Variants in ADAMTS19 observed in about 807,000 individuals in gnomAD.
The protein encoded by ADAMTS19 is A disintegrin and metalloproteinase with thrombospondin motifs 19.
In ADAMTS19, 93 loss-of-function variants were observed where a neutral mutation model predicts 153.3. The ratio of observed to expected loss-of-function variants is 0.61; its 90% CI spans 0.51 to 0.72. The LOEUF (loss-of-function observed/expected upper bound fraction) is 0.72, where lower values mean the gene tolerates loss of function less well. Among genes scored for constraint, ADAMTS19 ranks in the 30% least tolerant of loss-of-function variants. The pLI, the probability that ADAMTS19 is intolerant of heterozygous loss-of-function variation, is 0.00. For missense variants in ADAMTS19, 1,482 were observed against 1,552.1 expected (o/e 0.95, Z 0.76); for synonymous variants, 600 against 556.6 (o/e 1.08, Z -1.10).
intron 8 of ADAMTS19, among the ~76,000 whole-genome samples, chr5:129,607,036 G>T (rs571882659): frequency 3.3e-5 from 5 of 152,192 alleles, no homozygotes; most frequent in African/African-American, 1.2e-4. Context: ...TTCTGCCTCA[G>T]CCTCCTGAGT....
intron 7 of ADAMTS19, among the ~76,000 whole-genome samples, chr5:129,554,210 T>C (rs1753234958): frequency 2.6e-5 from 4 of 152,172 alleles, no homozygotes; most frequent in Non-Finnish European, 5.9e-5. Context: ...AAGGGATAAC[T>C]GTATATTTAT....
intron 15 of ADAMTS19, among the ~76,000 whole-genome samples, chr5:129,663,947 T>A (rs1257177629): frequency 6.6e-6 from 1 of 152,196 alleles, no homozygotes; most frequent in East Asian, 1.9e-4. Context: ...TCATCCTTTT[T>A]CTGTATGCAT....
intron 7 of ADAMTS19, among the ~76,000 whole-genome samples, chr5:129,580,862 G>A (rs780615313): frequency 7.2e-5 from 11 of 152,108 alleles, no homozygotes; most frequent in African/African-American, 2.4e-4. Context: ...TTTTTGCATC[G>A]ATGTTCGTCA....
At chr5:129,500,808 C>A (rs919795688) in intron 2 of ADAMTS19, among the ~76,000 whole-genome samples, 2 of 151,836 alleles carry the variant, frequency 1.3e-5, no homozygotes, top group South Asian at 2.1e-4. Flanking sequence ...TACTAATAAG[C>A]ATTTATTGAA....
At chr5:129,537,570 T>G (rs1176896573) in intron 6 of ADAMTS19, among the ~76,000 whole-genome samples, 1 of 152,066 alleles carries the variant, frequency 6.6e-6, no homozygotes, top group East Asian at 1.9e-4. Context: ...ATGTGGCACA[T>G]CTACACCATG....
intron 16 of ADAMTS19, among the ~76,000 whole-genome samples, chr5:129,676,699 T>C (rs1754567071): frequency 6.6e-6 from 1 of 152,196 alleles, no homozygotes; most frequent in Admixed American, 6.6e-5. Context: ...TCAATCATGG[T>C]GAAGAGTATG....
rs377008786 is a variant in ADAMTS19, at chr5:129,608,116, G to GTGTGTATATATATA, written c.1478+11453_1478+11454insGTGTATATATATAT. ...TGTGTGTGTGTGTGTGTGTGTGTGT[G>GTGTGTATATATATA]TATATATATATATATATATATATAA... On this transcript the variant is annotated intron_variant, in intron 8 of 22. Coordinates refer to ENST00000274487, the MANE Select transcript of ADAMTS19 (RefSeq NM_133638.6). 1.5e-3 allele frequency among the ~76,000 whole-genome samples: 72 copies of GTGTGTATATATATA among 47,936 alleles called. 1 individual carries two copies. Among genetic ancestry groups the GTGTGTATATATATA allele is most frequent in the Non-Finnish European group, 2.1e-3 (43 of 20,112 alleles). The allele number at this position is 47,936 out of a possible 152,430, so 31.4% of individuals were successfully genotyped here. A position where few individuals can be genotyped will look rare whatever the true frequency, so the allele number is the denominator to read the frequency against.
chr5:129,680,555 G>A (rs144815535), intron 17 of ADAMTS19, among the ~76,000 whole-genome samples: 4,074 of 152,000 alleles, frequency 0.027, 178 homozygotes, highest in African/African-American at 0.092. Context: ...TCAGGAGTTC[G>A]AGACCAGCCT....
chr5:129,549,212 AAAAG>A (rs1752977228), intron 6 of ADAMTS19, among the ~76,000 whole-genome samples: 1 of 148,884 alleles, frequency 6.7e-6, no homozygotes, highest in African/African-American at 2.5e-5. Context: ...ATAAAATAAA[AAAAG>A]AAATATAACT....
intron 18 of ADAMTS19, among the ~76,000 whole-genome samples, chr5:129,691,711 T>C (rs1459699395): frequency 2.6e-5 from 4 of 152,146 alleles, no homozygotes; most frequent in Non-Finnish European, 4.4e-5. Flanking sequence ...TTTCTTACAA[T>C]GTAAATGGAA....
intron 15 of ADAMTS19, among the ~76,000 whole-genome samples, chr5:129,662,630 T>C (rs1474635846): frequency 6.6e-6 from 1 of 152,160 alleles, no homozygotes; most frequent in Admixed American, 6.5e-5. Flanking sequence ...CTTTGTTATA[T>C]CTATTCTTCT....
At chr5:129,707,196 G>T (rs573114243) in intron 21 of ADAMTS19, among the ~76,000 whole-genome samples, 1 of 152,280 alleles carries the variant, frequency 6.6e-6, no homozygotes, top group East Asian at 1.9e-4. Context: ...ACCCACTCAA[G>T]TTTGCATGGA....
rs1754008251 is a variant in ADAMTS19, at chr5:129,665,530, A to C, written c.2457A>C (p.Gly819=). 6.2e-7 allele frequency: 1 copy of C among 1,610,834 alleles called. No individual in the cohort carries two copies. The highest frequency in any genetic ancestry group is 1.3e-5 in the African/African-American group (1 of 74,824). ...TAGAAGTGCTGGTGATACCTGCTGG[A>C]GCAAGAAGAATCAAAGTTGTGGAGG... ...GYVEVLVIPA[G]ARRIKVVEEK... Residue 819 remains glycine, a synonymous_variant, in exon 16 of 23, where the codon GGA becomes GGC. Transcript: ENST00000274487.
intron 2 of ADAMTS19, among the ~76,000 whole-genome samples, chr5:129,489,674 G>T (rs565976242): frequency 6.6e-6 from 1 of 152,180 alleles, no homozygotes; most frequent in Admixed American, 6.5e-5. Context: ...AAAATGAAAG[G>T]CCAGAGCAAA....
intron 2 of ADAMTS19, among the ~76,000 whole-genome samples, chr5:129,507,057 A>C (rs1300705338): frequency 6.6e-6 from 1 of 151,984 alleles, no homozygotes; most frequent in African/African-American, 2.4e-5. Context: ...GATAGTGTGC[A>C]ATTAAATTTT....
At chr5:129,488,165 T>G (rs1397371904) in intron 2 of ADAMTS19, among the ~76,000 whole-genome samples, 1 of 152,024 alleles carries the variant, frequency 6.6e-6, no homozygotes, top group Non-Finnish European at 1.5e-5. Context: ...TATTCAGAGA[T>G]AAAGTACTTG....
At chr5:129,667,329 A>G (rs1211213596) in intron 16 of ADAMTS19, among the ~76,000 whole-genome samples, 3 of 152,008 alleles carry the variant, frequency 2.0e-5, no homozygotes, top group African/African-American at 7.3e-5. Context: ...ATCTAGCTCT[A>G]TTGTTTTGCA....
intron 3 of ADAMTS19, among the ~76,000 whole-genome samples, chr5:129,524,730 T>C (rs2126759089): frequency 6.6e-6 from 1 of 151,682 alleles, no homozygotes; most frequent in Admixed American, 6.6e-5. Context: ...AACCTGCACG[T>C]TCTGCACATG....
In ADAMTS19 at chr5:129,702,941, A is replaced by AATATATATATAT. The variant is rs59614056; in HGVS notation, c.3160-1278_3160-1267dup. On this transcript the variant is annotated intron_variant, in intron 20 of 22. Transcript: ENST00000274487. ...TAGTTTGACTTGCCAAAAAAAAAAA[A>AATATATATATAT]ATATATATATATATATATATATATA... 4.8e-3 allele frequency among the ~76,000 whole-genome samples: 139 copies of AATATATATATAT among 29,204 alleles called. 1 individual carries two copies. Among genetic ancestry groups the AATATATATATAT allele is most frequent in the African/African-American group, 0.011 (129 of 11,642 alleles). The allele number at this position is 29,204 out of a possible 152,430, so 19.2% of individuals were successfully genotyped here. A position where few individuals can be genotyped will look rare whatever the true frequency, so the allele number is the denominator to read the frequency against.
Sources: allele counts gnomAD v4.1 joint callset (sites outside exome capture counted in the v4.1 genomes callset), GRCh38; gene constraint gnomAD v4.1.1; transcripts MANE v1.5; gene names NCBI Gene and HGNC (gene_info 2026-07-23, HGNC 2026-07-21).